Variants in CAMKK2 observed in about 807,000 individuals in gnomAD.
CAMKK2 encodes the protein calcium/calmodulin-dependent protein kinase kinase 2.
Under a neutral mutation model 67.2 loss-of-function variants are expected in CAMKK2, and 30 were observed. The observed-to-expected ratio is 0.45, with a 90% confidence interval of 0.33 to 0.61. CAMKK2 has a LOEUF of 0.61. Ranked by LOEUF, CAMKK2 falls within the 20% of genes least tolerant of loss-of-function variation. The pLI, the probability that CAMKK2 is intolerant of heterozygous loss-of-function variation, is 0.02. For synonymous variants in CAMKK2, 322 were observed against 326.2 expected (o/e 0.99, Z 0.14); for missense variants, 643 against 802.0 (o/e 0.80, Z 2.39).
chr12:121,247,922 G>C (rs1310760855), intron 14 of CAMKK2, among the ~76,000 whole-genome samples: 1 of 152,176 alleles, frequency 6.6e-6, no homozygotes, highest in Non-Finnish European at 1.5e-5. Context: ...GGGACAACCT[G>C]CTGGTCTCTG....
chr12:121,296,508 C>G lies in CAMKK2; in HGVS notation c.-60+130G>C, dbSNP rs1229165775. 6.6e-6 allele frequency: 1 copy of G among 151,960 alleles called. No homozygotes were observed. Among genetic ancestry groups the G allele is most frequent in the African/African-American group, 2.4e-5 (1 of 41,384 alleles). 9.4% of individuals were successfully genotyped at this position (151,960 alleles called of 1,614,324 possible). Reference sequence around the variant, plus strand: ...ACGTGGGGTCCCTCCGTGTTGGGAGCCCCAGGCCAGCCTCCGGGCTTTGTG... The same window carrying G: ...ACGTGGGGTCCCTCCGTGTTGGGAGGCCCAGGCCAGCCTCCGGGCTTTGTG... On this transcript the variant is annotated intron_variant, in intron 1 of 16. Coordinates refer to ENST00000404169, the MANE Select transcript of CAMKK2 (RefSeq NM_001270485.2). This position sits in a 1 kb window ranked among gnomAD's most constrained non-coding sequence, Gnocchi z 7.1.
intron 2 of CAMKK2, among the ~76,000 whole-genome samples, chr12:121,271,469 C>T (rs979327447): frequency 2.6e-5 from 4 of 151,492 alleles, no homozygotes; most frequent in Admixed American, 1.3e-4. Context: ...CAAAATGTAA[C>T]CACACACTGT....
chr12:121,240,519 A>C lies in CAMKK2; in HGVS notation c.*180T>G. On this transcript the variant is annotated 3_prime_UTR_variant, in exon 17 of 17. Transcript: ENST00000404169. This position sits in a 1 kb window ranked among gnomAD's most constrained non-coding sequence, Gnocchi z 4.4. The stretch of plus-strand genomic sequence containing the variant: ...CGGCCACGGTCGACGTCATGGAGTC[A>C]AGTCCTTTTTTTTTTTTTGTCCCCT... 1 of 1,510,404 alleles carries C rather than the reference A, an allele frequency of 6.6e-7. No homozygotes were observed. The highest frequency in any genetic ancestry group is 8.8e-7 in the Non-Finnish European group (1 of 1,133,874). 93.6% of individuals were successfully genotyped at this position (1,510,404 alleles called of 1,614,324 possible).
intron 7 of CAMKK2, among the ~76,000 whole-genome samples, chr12:121,256,906 G>C (rs1892402677): frequency 6.6e-6 from 1 of 151,938 alleles, no homozygotes; most frequent in African/African-American, 2.4e-5. Flanking sequence ...ATCTGTTTTT[G>C]GTTCTTTTGG....
At position 121,253,522 on chromosome 12, in the gene CAMKK2, G is replaced by A. The variant is rs769495146; in HGVS notation, c.908-50C>T. 1.3e-6 allele frequency: 2 copies of A among 1,495,116 alleles called. No individual in the cohort carries two copies. Among genetic ancestry groups the A allele is most frequent in the South Asian group, 1.1e-5 (1 of 88,628 alleles). 92.6% of individuals were successfully genotyped at this position (1,495,116 alleles called of 1,614,324 possible). The stretch of plus-strand genomic sequence containing the variant: ...GGAGATAGGGGCAGGAAAACCTCGT[G>A]AGCACCTCTATGCGGCCACATGGCC... On this transcript the variant is annotated intron_variant, in intron 9 of 16. Coordinates refer to ENST00000404169, the MANE Select transcript of CAMKK2 (RefSeq NM_001270485.2). The surrounding 1 kb of genome is among the most constrained non-coding windows in gnomAD (Gnocchi z 5.0).
In CAMKK2 at chr12:121,245,168, A is replaced by G; in HGVS notation, c.1525T>C (p.Ser509Pro). The change falls in exon 15 of 17, where the codon TCA (serine) becomes CCA (proline). Residue 509 changes from serine (S) to proline (P), a missense_variant. By Grantham distance (74) the Ser-to-Pro change is moderately conservative (BLOSUM62 -1). Coordinates refer to ENST00000404169, the MANE Select transcript of CAMKK2 (RefSeq NM_001270485.2). This position sits in a 1 kb window ranked among gnomAD's most constrained non-coding sequence, Gnocchi z 5.8. ...PFEGSRREER[S>P]LSAPGNLLTK... is the part of the protein sequence containing the mutation. ...AGCAAGTTTCCAGGCGCTGACAGTGAGCGTTCCTCCCGCCGGCTGCCCTCG... is the reference window on the plus strand; with the variant it reads ...AGCAAGTTTCCAGGCGCTGACAGTGGGCGTTCCTCCCGCCGGCTGCCCTCG... The G allele has an allele frequency of 2.5e-6, 4 of 1,606,460 alleles. No individual in the cohort carries two copies. Among genetic ancestry groups the G allele is most frequent in the Non-Finnish European group, 3.4e-6 (4 of 1,176,102 alleles).
chr12:121,295,620 T>C (rs1026922709), intron 1 of CAMKK2, among the ~76,000 whole-genome samples: 21 of 152,140 alleles, frequency 1.4e-4, no homozygotes, highest in Admixed American at 5.9e-4. Context: ...TTCTATCCCC[T>C]GCGTGGAGAC....
At chr12:121,271,425 T>A (rs1895752378) in intron 2 of CAMKK2, among the ~76,000 whole-genome samples, 1 of 152,112 alleles carries the variant, frequency 6.6e-6, no homozygotes, top group Admixed American at 6.6e-5. Context: ...TCTCTTGACT[T>A]CTAACAACGC....
At chr12:121,254,974 C>T (rs1029498288) in intron 9 of CAMKK2, among the ~76,000 whole-genome samples, 1 of 151,388 alleles carries the variant, frequency 6.6e-6, no homozygotes, top group African/African-American at 2.4e-5. Context: ...TAATCAGCTG[C>T]CAGCGAATAT....
chr12:121,264,339 CAT>C (rs1894074398), intron 5 of CAMKK2, among the ~76,000 whole-genome samples: 1 of 152,218 alleles, frequency 6.6e-6, no homozygotes, highest in African/African-American at 2.4e-5. Context: ...CTCCTTAACT[CAT>C]AGCACAGATG....
chr12:121,255,542 C>G lies in CAMKK2; in HGVS notation c.907+8G>C. ...CTGGGTGAGAGCCCTCCCGCAGGCC[C>G]TGCTCACAGTACTCGATGCCTTTGA... On this transcript the variant is annotated splice_region_variant and intron_variant, in intron 9 of 16. Transcript: ENST00000404169. 1 of 1,607,254 alleles carries G rather than the reference C, an allele frequency of 6.2e-7. No individual in the cohort carries two copies. Among genetic ancestry groups the G allele is most frequent in the Non-Finnish European group, 8.5e-7 (1 of 1,176,912 alleles).
chr12:121,274,583 CACCT>C lies in CAMKK2; in HGVS notation c.-59-2_-58del. 1 of 1,272,484 alleles carries C rather than the reference CACCT, an allele frequency of 7.9e-7. No individual in the cohort carries two copies. Among genetic ancestry groups the C allele is most frequent in the South Asian group, 1.4e-5 (1 of 72,284 alleles). 78.8% of individuals were successfully genotyped at this position (1,272,484 alleles called of 1,614,324 possible). A position where few individuals can be genotyped will look rare whatever the true frequency, so the allele number is the denominator to read the frequency against. On this transcript the variant is annotated splice_acceptor_variant and 5_prime_UTR_variant, in exon 2 of 17. Coordinates refer to ENST00000404169, the MANE Select transcript of CAMKK2 (RefSeq NM_001270485.2). LOFTEE classifies it low-confidence loss of function (5UTR_SPLICE). ...GGGCACTCCCATCCGGCAGCGGAGC[CACCT>C]GCAGAAAGAGAAAGGGTCAGCTGGC...
Position 121,289,688 on chromosome 12 carries a change from T to G in CAMKK2, c.-60+6950A>C, listed in dbSNP as rs912501079. On this transcript the variant is annotated intron_variant, in intron 1 of 16. Coordinates refer to ENST00000404169, the MANE Select transcript of CAMKK2 (RefSeq NM_001270485.2). ...CGGGCGGATCACCTGAGGTCAGGAG[T>G]TCGAGACCAGCCTGGCCTACATGGT... is the stretch of plus-strand genomic sequence containing the variant. Among the ~76,000 whole-genome samples, 6 of 151,220 alleles carry G rather than the reference T, an allele frequency of 4.0e-5. No individual in the cohort carries two copies. The East Asian group carries it at 1.2e-3, about 29-fold the overall frequency.
At chr12:121,241,534 G>C (rs553679645) in intron 16 of CAMKK2, among the ~76,000 whole-genome samples, 2 of 152,352 alleles carry the variant, frequency 1.3e-5, no homozygotes, top group South Asian at 4.1e-4. Context: ...CGGTGTGACA[G>C]CGTGGATGGC....
chr12:121,258,111 G>C (rs966104637), intron 7 of CAMKK2, among the ~76,000 whole-genome samples: 1 of 147,738 alleles, frequency 6.8e-6, no homozygotes, highest in African/African-American at 2.5e-5. Flanking sequence ...TGCAACCTCC[G>C]CTTCCCAGGT....
rs1349342125 is a variant in CAMKK2 at position 121,285,758 on chromosome 12, G to A, written c.-60+10880C>T. Among the ~76,000 whole-genome samples, 1 of 152,194 alleles carries A rather than the reference G, an allele frequency of 6.6e-6. No homozygotes were observed. Among genetic ancestry groups the A allele is most frequent in the African/African-American group, 2.4e-5 (1 of 41,446 alleles). ...GCTGGGGAGGTTGATGCAGCAGTGA[G>A]CCGTGATCATGCCACCGCACTCTAG... On this transcript the variant is annotated intron_variant, in intron 1 of 16. Coordinates refer to ENST00000404169, the MANE Select transcript of CAMKK2 (RefSeq NM_001270485.2). The surrounding 1 kb of genome is among the most constrained non-coding windows in gnomAD (Gnocchi z 4.1).
At position 121,277,242 on chromosome 12, in the gene CAMKK2, G is replaced by A. The variant is rs867090545; in HGVS notation, c.-59-2657C>T. Among the ~76,000 whole-genome samples, 6 of 152,306 alleles carry A rather than the reference G, an allele frequency of 3.9e-5. No individual in the cohort carries two copies. In the South Asian group the frequency reaches 8.3e-4, roughly 21 times the overall value. On this transcript the variant is annotated intron_variant, in intron 1 of 16. Transcript: ENST00000404169. ...CACACAGAGTGTGTGGTAAGAGAAC[G>A]CCAAAGAGTCCAATCATGCGGCAAG...
chr12:121,252,602 G>A (rs1890979262), intron 11 of CAMKK2, 59 bp downstream of exon 11: 2 of 1,499,560 alleles, frequency 1.3e-6, no homozygotes, highest in Non-Finnish European at 1.9e-6. Context: ...CCGCAAGGGT[G>A]ACTATTAACC....
In CAMKK2 at chr12:121,244,585, C is replaced by A; in HGVS notation, c.1584G>T (p.Leu528=). 6.4e-7 allele frequency: 1 copy of A among 1,563,002 alleles called. No homozygotes were observed. Among genetic ancestry groups the A allele is most frequent in the East Asian group, 2.4e-5 (1 of 42,152 alleles). ...AGGCGGGCGTTACCTTGAGCTCAGA[C>A]AGGGACTCACATTCCCTGGTTGGTT... is the stretch of plus-strand genomic sequence containing the variant. ...TKKPTRECES[L]SELKEARQRR... Residue 528 remains leucine, a synonymous_variant, in exon 16 of 17, where the codon CTG becomes CTT. Coordinates refer to ENST00000404169, the MANE Select transcript of CAMKK2 (RefSeq NM_001270485.2).
Sources: allele counts gnomAD v4.1 joint callset (sites outside exome capture counted in the v4.1 genomes callset), GRCh38; gene constraint gnomAD v4.1.1; non-coding constraint Gnocchi (gnomAD v3.1); transcripts MANE v1.5; gene names NCBI Gene and HGNC (gene_info 2026-07-23, HGNC 2026-07-21).